NAV2: variants seen among roughly 807,000 people sequenced by gnomAD.
NAV2 encodes the protein helicase, APC down-regulated 1.
NAV2 carries 54 observed loss-of-function variants against 223.2 expected under a neutral mutation model. The observed-to-expected ratio is 0.24, with a 90% CI of 0.19 to 0.30. The LOEUF is 0.30. NAV2 is among the 10% of genes least tolerant of loss of function. The pLI is 1.00. For missense variants in NAV2, 2,806 were observed against 3,147.5 expected (o/e 0.89, Z 2.60); for synonymous variants, 1,279 against 1,239.3 (o/e 1.03, Z -0.67).
At chr11:19,434,411 A>G (rs1475088379) in intron 1 of NAV2, among the ~76,000 whole-genome samples, 1 of 152,216 alleles carries the variant, frequency 6.6e-6, no homozygotes, top group East Asian at 1.9e-4. Flanking sequence ...AGAATGGCCA[A>G]TGTTTTATTA....
At chr11:19,779,052 GTCTTCTCCAC>G (rs1309465046) in intron 1 of NAV2, among the ~76,000 whole-genome samples, 1 of 152,220 alleles carries the variant, frequency 6.6e-6, no homozygotes. Flanking sequence ...GGGCTGGGAT[GTCTTCTCCAC>G]TCCGATATTG....
At chr11:19,994,877 C>T (rs557297968) in intron 11 of NAV2, among the ~76,000 whole-genome samples, 148 of 152,172 alleles carry the variant, frequency 9.7e-4, no homozygotes, top group Non-Finnish European at 1.9e-3. Context: ...TCAATTGTAG[C>T]CCTGTCATTT....
At chr11:19,635,913 G>A (rs2135524874) in intron 1 of NAV2, among the ~76,000 whole-genome samples, 1 of 152,336 alleles carries the variant, frequency 6.6e-6, no homozygotes, top group Non-Finnish European at 1.5e-5. Flanking sequence ...GGTATTGGAA[G>A]GAAGAGGGGG....
At chr11:20,032,833 T>G (rs900736868) in intron 11 of NAV2, among the ~76,000 whole-genome samples, 1 of 152,150 alleles carries the variant, frequency 6.6e-6, no homozygotes, top group Non-Finnish European at 1.5e-5. Flanking sequence ...CCTCTGCACA[T>G]TGAGTTTGTC....
chr11:19,447,895 A>G (rs996608447), intron 1 of NAV2, among the ~76,000 whole-genome samples: 1 of 152,076 alleles, frequency 6.6e-6, no homozygotes, highest in Non-Finnish European at 1.5e-5. Context: ...CCCCGCCTCC[A>G]TGCTCACCCC....
chr11:19,608,795 T>A (rs887604618), intron 1 of NAV2, among the ~76,000 whole-genome samples: 13 of 152,214 alleles, frequency 8.5e-5, no homozygotes, highest in African/African-American at 3.1e-4. Flanking sequence ...TTAATGACTT[T>A]CTGGAGGTCC....
intron 11 of NAV2, among the ~76,000 whole-genome samples, chr11:20,032,213 C>T (rs4757025): frequency 0.2 from 30,959 of 152,156 alleles, 3,275 homozygotes; most frequent in Middle Eastern, 0.3. Context: ...GGCCTTCCCT[C>T]GTGTCACTGC....
intron 1 of NAV2, among the ~76,000 whole-genome samples, chr11:19,435,423 A>T (rs1235894976): frequency 6.6e-6 from 1 of 151,992 alleles, no homozygotes; most frequent in Non-Finnish European, 1.5e-5. Flanking sequence ...TTTTTAATGG[A>T]TGAGTAATAT....
At chr11:19,546,889 A>G (rs1008417932) in intron 1 of NAV2, among the ~76,000 whole-genome samples, 4 of 152,236 alleles carry the variant, frequency 2.6e-5, no homozygotes, top group African/African-American at 9.6e-5. Context: ...GGATTCTTCC[A>G]GCAAGACAAC....
At chr11:19,888,447 G>T (rs372550364) in intron 5 of NAV2, among the ~76,000 whole-genome samples, 2 of 152,202 alleles carry the variant, frequency 1.3e-5, no homozygotes, top group African/African-American at 4.8e-5. Flanking sequence ...GATGCTTCCA[G>T]ACTGGAGGTT....
intron 1 of NAV2, among the ~76,000 whole-genome samples, chr11:19,686,969 CTG>C (rs1238491125): frequency 5.8e-4 from 88 of 152,240 alleles, no homozygotes; most frequent in African/African-American, 1.9e-3. Context: ...GATGAGGAAA[CTG>C]CAGATTAGAA....
At position 20,057,484 on chromosome 11, in the gene NAV2, T is replaced by C. The variant is rs118188231; in HGVS notation, c.4831+1527T>C. ...AGCCTGAGTCACTGAGGGGCATTTG[T>C]GAGATTTAAGAGCTAGAAATTAATG... is the stretch of plus-strand genomic sequence containing the variant. On this transcript the variant is annotated intron_variant, in intron 19 of 37. Transcript: ENST00000349880. 4.1e-4 allele frequency among the ~76,000 whole-genome samples: 63 copies of C among 152,256 alleles called. 2 individuals are homozygous for C. The East Asian group carries it at 0.011, about 26-fold the overall frequency.
intron 1 of NAV2, among the ~76,000 whole-genome samples, chr11:19,786,893 C>A (rs556914362): frequency 1.5e-4 from 23 of 151,962 alleles, no homozygotes; most frequent in African/African-American, 5.3e-4. Context: ...GGGAGGTGGA[C>A]GGGGGTGGGT....
At chr11:19,513,684 C>T (rs556379480) in intron 1 of NAV2, among the ~76,000 whole-genome samples, 2 of 152,290 alleles carry the variant, frequency 1.3e-5, no homozygotes, top group East Asian at 3.9e-4. Context: ...AGTCCTAACC[C>T]CTAATTCCTC....
chr11:20,117,802 G>A (rs575890609), intron 37 of NAV2, among the ~76,000 whole-genome samples: 27 of 152,332 alleles, frequency 1.8e-4, no homozygotes, highest in African/African-American at 6.3e-4. Flanking sequence ...GCTATGTATA[G>A]AGATCATCAT....
chr11:19,466,041 A>C (rs1852336819), intron 1 of NAV2, among the ~76,000 whole-genome samples: 1 of 152,240 alleles, frequency 6.6e-6, no homozygotes, highest in Non-Finnish European at 1.5e-5. Flanking sequence ...TGCGGTTCAC[A>C]GCACAGAGTT....
At chr11:19,547,438 T>C (rs1211997486) in intron 1 of NAV2, among the ~76,000 whole-genome samples, 1 of 152,176 alleles carries the variant, frequency 6.6e-6, no homozygotes, top group East Asian at 1.9e-4. Flanking sequence ...GATCACCTCA[T>C]TGAAGCTGAT....
chr11:19,891,701 A>G (rs2041509448), intron 5 of NAV2, among the ~76,000 whole-genome samples: 2 of 152,192 alleles, frequency 1.3e-5, no homozygotes, highest in Admixed American at 1.3e-4. Context: ...TGAAGTTTTC[A>G]TTGCAAATAT....
chr11:19,385,985 T>C (rs1035050271), intron 1 of NAV2, among the ~76,000 whole-genome samples: 3 of 152,066 alleles, frequency 2.0e-5, no homozygotes, highest in Non-Finnish European at 4.4e-5. Context: ...AGGATGGTCT[T>C]GATCTCCTGA....
Sources: allele counts gnomAD v4.1 joint callset (sites outside exome capture counted in the v4.1 genomes callset), GRCh38; gene constraint gnomAD v4.1.1; transcripts MANE v1.5; gene names NCBI Gene and HGNC (gene_info 2026-07-23, HGNC 2026-07-21).